The following PHACTR1 variants were observed in gnomAD, a reference collection of about 807,000 sequenced individuals.
PHACTR1 encodes the protein phosphatase and actin regulator 1.
A neutral mutation model predicts 69.2 loss-of-function variants in PHACTR1; 16 were observed. That is an observed-to-expected ratio of 0.23 (90% CI 0.16 to 0.35). The LOEUF (loss-of-function observed/expected upper bound fraction) is 0.35. Ranked by LOEUF, PHACTR1 falls within the 10% of genes least tolerant of loss-of-function variation. The probability of loss-of-function intolerance (pLI) is 1.00; values close to 1 mark genes in which losing one functional copy is unlikely to be tolerated. For missense variants in PHACTR1, 510 were observed against 734.7 expected (o/e 0.69, Z 3.54); for synonymous variants, 312 against 284.5 (o/e 1.10, Z -0.97).
intron 4 of PHACTR1, among the ~76,000 whole-genome samples, chr6:12,755,166 G>A (rs1378184527): frequency 6.6e-6 from 1 of 152,034 alleles, no homozygotes. Context: ...ATTACCTTAT[G>A]GCTACATGGT....
At chr6:12,962,577 A>G (rs2127569903) in intron 4 of PHACTR1, among the ~76,000 whole-genome samples, 1 of 152,270 alleles carries the variant, frequency 6.6e-6, no homozygotes, top group East Asian at 1.9e-4. Flanking sequence ...GCTTCCAGAG[A>G]AGCTTGACTC....
At chr6:13,195,627 G>A (rs981270622) in intron 7 of PHACTR1, among the ~76,000 whole-genome samples, 4 of 151,584 alleles carry the variant, frequency 2.6e-5, no homozygotes, top group African/African-American at 7.3e-5. Flanking sequence ...GCGTTGTGGC[G>A]AGCACCTGTA....
At chr6:13,051,552 G>A (rs969112433) in intron 4 of PHACTR1, among the ~76,000 whole-genome samples, 1 of 152,174 alleles carries the variant, frequency 6.6e-6, no homozygotes, top group African/African-American at 2.4e-5. Flanking sequence ...GTCCCTAGAT[G>A]TTCCATGCCT....
Position 13,217,040 on chromosome 6 carries a change from A to C in PHACTR1, c.987-10776A>C, listed in dbSNP as rs76902236. ...AATATTGACTCTTTGATCTTCTTGG[A>C]AACCATCGTCCAGAAAGTTTTGCAG... On this transcript the variant is annotated intron_variant, in intron 8 of 14. Coordinates refer to ENST00000332995, the MANE Select transcript of PHACTR1 (RefSeq NM_030948.6). 9.3e-3 allele frequency among the ~76,000 whole-genome samples: 1,419 copies of C among 152,318 alleles called. 20 individuals carry two copies. Among genetic ancestry groups the C allele is most frequent in the African/African-American group, 0.03 (1,238 of 41,570 alleles).
At chr6:12,869,990 T>A (rs1781863440) in intron 4 of PHACTR1, among the ~76,000 whole-genome samples, 1 of 152,202 alleles carries the variant, frequency 6.6e-6, no homozygotes, top group Non-Finnish European at 1.5e-5. Flanking sequence ...TGTGATAGTC[T>A]GATTATTTAT....
At position 13,283,834 on chromosome 6, in the gene PHACTR1, T is replaced by C; in HGVS notation, c.1650+272T>C. On this transcript the variant is annotated intron_variant, in intron 13 of 14. Coordinates refer to ENST00000332995, the MANE Select transcript of PHACTR1 (RefSeq NM_030948.6). This position sits in a 1 kb window ranked among gnomAD's most constrained non-coding sequence, Gnocchi z 4.7. Reference sequence around the variant, plus strand: ...GGAGGCTGTGCCCAGAGAAAGAGAATAGCACTGGATAGGTGTAGACAGGTG... The same window carrying C: ...GGAGGCTGTGCCCAGAGAAAGAGAACAGCACTGGATAGGTGTAGACAGGTG... 2.2e-6 allele frequency: 1 copy of C among 461,806 alleles called. No homozygotes were observed. Among genetic ancestry groups the C allele is most frequent in the South Asian group, 2.1e-5 (1 of 48,164 alleles). The allele number at this position is 461,806 out of a possible 1,614,324, so 28.6% of individuals were successfully genotyped here.
Position 13,283,503 on chromosome 6 carries a change from G to A in PHACTR1, c.1591G>A (p.Ala531Thr), listed in dbSNP as rs1469186771. Residue 531 changes from alanine to threonine, a missense_variant, in exon 13 of 15, where the codon GCT becomes ACT. Physicochemically the swap from Ala to Thr is moderately conservative, Grantham distance 58. Around this residue, in one of 2 missense-constraint regions of PHACTR1, gnomAD observed 91 missense variants for 203.8 expected, o/e 0.45. Transcript: ENST00000332995. This position sits in a 1 kb window ranked among gnomAD's most constrained non-coding sequence, Gnocchi z 4.7. The stretch of plus-strand genomic sequence containing the variant: ...CAGTGACTACGTGGAGGTGGCTGAC[G>A]CTCAGGACTATGACCGCAGGGCAGA... ...RFSDYVEVAD[A>T]QDYDRRADKP... 1 of 1,613,900 alleles carries A rather than the reference G, an allele frequency of 6.2e-7. No homozygotes were observed. Among genetic ancestry groups the A allele is most frequent in the Non-Finnish European group, 8.5e-7 (1 of 1,179,864 alleles).
intron 11 of PHACTR1, chr6:13,274,512 C>T: frequency 6.6e-6 from 1 of 152,304 alleles, no homozygotes. Context: ...AACTTACTCA[C>T]AGCCCGCTGC....
Position 12,856,997 on chromosome 6 carries a change from G to T in PHACTR1, c.250+107207G>T, listed in dbSNP as rs1157303302. 3.9e-5 allele frequency among the ~76,000 whole-genome samples: 6 copies of T among 152,094 alleles called. No individual in the cohort carries two copies. In the East Asian group the frequency reaches 7.7e-4, roughly 20 times the overall value. On this transcript the variant is annotated intron_variant, in intron 4 of 14. Transcript: ENST00000332995. ...ATTTCCATTCTCTTTTGAAACGGGG[G>T]GTTATTCTGTTTGAGGAATATTGTG...
At chr6:13,174,738 C>T (rs999793531) in intron 6 of PHACTR1, among the ~76,000 whole-genome samples, 5 of 152,122 alleles carry the variant, frequency 3.3e-5, no homozygotes, top group Admixed American at 1.3e-4. Context: ...CTCTCTCCCC[C>T]TCCCTCTCTC....
intron 4 of PHACTR1, among the ~76,000 whole-genome samples, chr6:13,041,374 A>ACACACACG (rs1804131334): frequency 6.6e-6 from 1 of 151,668 alleles, no homozygotes; most frequent in South Asian, 2.1e-4. Context: ...ACACACACAC[A>ACACACACG]CACACAGAAG....
At position 13,026,620 on chromosome 6, in the gene PHACTR1, T is replaced by C. The variant is rs188775453; in HGVS notation, c.251-26745T>C. 2.3e-3 allele frequency among the ~76,000 whole-genome samples: 344 copies of C among 152,106 alleles called. 2 individuals carry two copies. Among genetic ancestry groups the C allele is most frequent in the African/African-American group, 7.9e-3 (326 of 41,500 alleles). On this transcript the variant is annotated intron_variant, in intron 4 of 14. Coordinates refer to ENST00000332995, the MANE Select transcript of PHACTR1 (RefSeq NM_030948.6). The stretch of plus-strand genomic sequence containing the variant: ...TTCTCCTCTCTGTTCATGGTGGTGG[T>C]GGGTGGGAGAATGGAGGACCAAACA...
intron 10 of PHACTR1, among the ~76,000 whole-genome samples, chr6:13,257,672 T>A (rs1775366589): frequency 6.6e-6 from 1 of 152,200 alleles, no homozygotes; most frequent in African/African-American, 2.4e-5. Flanking sequence ...GCTATTTCTT[T>A]CCTTATTGCT....
At position 13,230,155 on chromosome 6, in the gene PHACTR1, G is replaced by A; in HGVS notation, c.1353G>A (p.Arg451=). 6.2e-7 allele frequency: 1 copy of A among 1,611,132 alleles called. No homozygotes were observed. Among genetic ancestry groups the A allele is most frequent in the Non-Finnish European group, 8.5e-7 (1 of 1,178,844 alleles). The stretch of plus-strand genomic sequence containing the variant: ...TTCCCAGGCAGACGGATGAGGAGCG[G>A]CTGGAGCTGAGGCAACAGATTGGCA... ...NILPRQTDEE[R]LELRQQIGTK... The change falls in exon 10 of 15, where the codon CGG becomes CGA. Residue 451 remains arginine, a synonymous_variant. Transcript: ENST00000332995.
At chr6:13,243,508 C>G (rs1773149982) in intron 10 of PHACTR1, among the ~76,000 whole-genome samples, 2 of 152,058 alleles carry the variant, frequency 1.3e-5, no homozygotes, top group Admixed American at 1.3e-4. Flanking sequence ...CTAGGCCTTT[C>G]AGACTGGCTC....
At chr6:12,873,543 A>G (rs9381462) in intron 4 of PHACTR1, among the ~76,000 whole-genome samples, 72,716 of 151,970 alleles carry the variant, frequency 0.48, 19,153 homozygotes, top group East Asian at 0.95. Context: ...AAAAAGGTTC[A>G]ATACAGGTAA....
chr6:12,738,431 T>G (rs920406639), intron 3 of PHACTR1, among the ~76,000 whole-genome samples: 5 of 152,208 alleles, frequency 3.3e-5, no homozygotes, highest in Non-Finnish European at 7.3e-5. Context: ...ATCCCACCCA[T>G]CATTAAAAAT....
intron 4 of PHACTR1, among the ~76,000 whole-genome samples, chr6:12,779,242 G>A (rs956152311): frequency 1.3e-5 from 2 of 152,214 alleles, no homozygotes; most frequent in Non-Finnish European, 2.9e-5. Context: ...GGCTGAGGCA[G>A]GAGAATCGCT....
At chr6:12,927,423 T>C (rs1788391285) in intron 4 of PHACTR1, among the ~76,000 whole-genome samples, 1 of 142,742 alleles carries the variant, frequency 7.0e-6, no homozygotes, top group South Asian at 2.1e-4. Context: ...ACAATAATAC[T>C]GTATAAGCAT....
Sources: allele counts gnomAD v4.1 joint callset (sites outside exome capture counted in the v4.1 genomes callset), GRCh38; gene constraint gnomAD v4.1.1; regional missense constraint gnomAD v4.1.1; non-coding constraint Gnocchi (gnomAD v3.1); transcripts MANE v1.5; gene names NCBI Gene and HGNC (gene_info 2026-07-23, HGNC 2026-07-21).